The following TSHZ2 variants were observed in gnomAD, a reference collection of about 807,000 sequenced individuals.
The protein encoded by TSHZ2 is teashirt homolog 2.
A neutral mutation model predicts 74.4 loss-of-function variants in TSHZ2; 21 were observed. The ratio of observed to expected loss-of-function variants is 0.28; its 90% confidence interval spans 0.20 to 0.41. TSHZ2 has a LOEUF of 0.41. Ranked by LOEUF, TSHZ2 falls within the 10% of genes least tolerant of loss-of-function variation. The probability of loss-of-function intolerance (pLI) is 1.00; values close to 1 mark genes in which losing one functional copy is unlikely to be tolerated. For synonymous variants in TSHZ2, 540 were observed against 515.3 expected, an observed-to-expected ratio of 1.05 and a Z score of -0.65; for missense variants, 1,244 against 1,293.5, an observed-to-expected ratio of 0.96 and a Z score of 0.59.
chr20:53,100,915 T>G (rs1314425626), intron 1 of TSHZ2, among the ~76,000 whole-genome samples: 1 of 152,152 alleles, frequency 6.6e-6, no homozygotes, highest in Non-Finnish European at 1.5e-5. Context: ...CATGGCTGTT[T>G]CCCAGTTTTT....
At position 53,188,084 on chromosome 20, in the gene TSHZ2, T is replaced by C. The variant is rs146852868; in HGVS notation, c.41-65415T>C. On this transcript the variant is annotated intron_variant, in intron 1 of 2. Coordinates refer to ENST00000371497, the MANE Select transcript of TSHZ2 (RefSeq NM_173485.6). ...ACTTAATTCATCAGAACAGGCAGTT[T>C]GTCAGGACAAATAGCAGTAGTTTTG... is the stretch of plus-strand genomic sequence containing the variant. Among the ~76,000 whole-genome samples the C allele has an allele frequency of 3.2e-4, 49 of 152,332 alleles. No individual in the cohort carries two copies. In the East Asian group the frequency reaches 8.9e-3, roughly 28 times the overall value.
intron 1 of TSHZ2, among the ~76,000 whole-genome samples, chr20:53,163,599 G>C (rs1987998542): frequency 6.6e-6 from 1 of 151,990 alleles, no homozygotes; most frequent in Non-Finnish European, 1.5e-5. Flanking sequence ...GCTGTCTCTT[G>C]AATCACTCAC....
chr20:53,226,179 T>C (rs1386781409), intron 1 of TSHZ2, among the ~76,000 whole-genome samples: 1 of 149,758 alleles, frequency 6.7e-6, no homozygotes, highest in Non-Finnish European at 1.5e-5. Flanking sequence ...AACACAATGC[T>C]AACTCAGCTA....
At chr20:53,419,451 G>C (rs926890477) in intron 2 of TSHZ2, among the ~76,000 whole-genome samples, 4 of 152,174 alleles carry the variant, frequency 2.6e-5, no homozygotes, top group South Asian at 2.1e-4. Context: ...GTTAGACACT[G>C]TGCTAAACTC....
At chr20:53,322,087 G>C (rs1979291440) in intron 2 of TSHZ2, among the ~76,000 whole-genome samples, 1 of 152,114 alleles carries the variant, frequency 6.6e-6, no homozygotes, top group Non-Finnish European at 1.5e-5. Context: ...GGTGACCTTG[G>C]GCAGAAAGGA....
intron 1 of TSHZ2, among the ~76,000 whole-genome samples, chr20:53,057,356 C>T (rs1230775213): frequency 2.6e-5 from 4 of 152,104 alleles, no homozygotes; most frequent in Non-Finnish European, 1.5e-5. Context: ...AGTACCAGGC[C>T]CCTGGCATTG....
intron 2 of TSHZ2, among the ~76,000 whole-genome samples, chr20:53,311,677 T>C (rs1978794165): frequency 6.6e-6 from 1 of 152,232 alleles, no homozygotes; most frequent in Admixed American, 6.5e-5. Context: ...TTGTCCAAGA[T>C]GGCATTTTCC....
intron 2 of TSHZ2, among the ~76,000 whole-genome samples, chr20:53,302,945 C>A (rs1978370356): frequency 6.6e-6 from 1 of 152,210 alleles, no homozygotes; most frequent in Admixed American, 6.5e-5. Flanking sequence ...AAAGTCATAG[C>A]TAATTTCCAC....
chr20:52,987,327 G>C (rs1216759732), intron 1 of TSHZ2, among the ~76,000 whole-genome samples: 1 of 152,158 alleles, frequency 6.6e-6, no homozygotes, highest in Non-Finnish European at 1.5e-5. Context: ...TGATTCCATA[G>C]GAGGGGAATG....
rs116635718 is a variant in TSHZ2, at chr20:53,363,125, C to T, written c.*8+106554C>T. Among the ~76,000 whole-genome samples the T allele has an allele frequency of 2.6e-3, 390 of 152,362 alleles. 3 individuals carry two copies. Among genetic ancestry groups the T allele is most frequent in the African/African-American group, 8.8e-3 (367 of 41,592 alleles). On this transcript the variant is annotated intron_variant, in intron 2 of 2. Transcript: ENST00000371497. ...GGGTATACCCGAGGCATGTGCTGCA[C>T]GTCTCCCGGAGGTCCCCAGTGGGAA... is the stretch of plus-strand genomic sequence containing the variant.
At chr20:53,157,173 C>A (rs1987814488) in intron 1 of TSHZ2, among the ~76,000 whole-genome samples, 1 of 152,158 alleles carries the variant, frequency 6.6e-6, no homozygotes. Flanking sequence ...AGCAAAGAAG[C>A]TAATTTCTCA....
At chr20:53,355,076 T>C (rs1314769210) in intron 2 of TSHZ2, among the ~76,000 whole-genome samples, 2 of 152,232 alleles carry the variant, frequency 1.3e-5, no homozygotes, top group African/African-American at 4.8e-5. Context: ...ATTTATTGCC[T>C]AGAGTATACC....
intron 1 of TSHZ2, among the ~76,000 whole-genome samples, chr20:53,086,469 C>T (rs538095823): frequency 3.3e-5 from 5 of 151,912 alleles, no homozygotes; most frequent in Non-Finnish European, 7.4e-5. Flanking sequence ...GCTTGAGGAG[C>T]AAGTAGTTCT....
intron 1 of TSHZ2, among the ~76,000 whole-genome samples, chr20:52,987,698 C>T (rs1245758746): frequency 6.6e-6 from 1 of 152,118 alleles, no homozygotes; most frequent in Non-Finnish European, 1.5e-5. Context: ...TGCATTTACA[C>T]ATTTGTCTAC....
intron 2 of TSHZ2, among the ~76,000 whole-genome samples, chr20:53,444,715 CA>C (rs1217451975): frequency 1.3e-5 from 2 of 152,220 alleles, no homozygotes; most frequent in African/African-American, 4.8e-5. Flanking sequence ...AAAGTGTCCA[CA>C]AGCCCTGTAA....
intron 2 of TSHZ2, among the ~76,000 whole-genome samples, chr20:53,307,624 T>C (rs1445862982): frequency 6.6e-6 from 1 of 152,220 alleles, no homozygotes; most frequent in African/African-American, 2.4e-5. Context: ...GGGCTTTTTT[T>C]CTAACTTTTT....
At chr20:53,020,542 T>C (rs1983205294) in intron 1 of TSHZ2, among the ~76,000 whole-genome samples, 1 of 152,226 alleles carries the variant, frequency 6.6e-6, no homozygotes, top group South Asian at 2.1e-4. Flanking sequence ...TGGCTATTTT[T>C]GGCCCCATAA....
chr20:53,292,511 A>G (rs1991298811), intron 2 of TSHZ2, among the ~76,000 whole-genome samples: 1 of 149,840 alleles, frequency 6.7e-6, no homozygotes, highest in Admixed American at 6.7e-5. Context: ...GCAGTGGTGC[A>G]ATCATAGCTC....
At chr20:53,329,067 T>C (rs1331567308) in intron 2 of TSHZ2, among the ~76,000 whole-genome samples, 3 of 152,234 alleles carry the variant, frequency 2.0e-5, no homozygotes, top group Non-Finnish European at 4.4e-5. Context: ...CTACCATAAA[T>C]TCAAGGTCTG....
Sources: gnomAD v4.1 joint callset for allele counts (sites outside exome capture counted in the v4.1 genomes callset) on GRCh38, gnomAD v4.1.1 for gene constraint, MANE v1.5 for transcripts, NCBI Gene and HGNC (gene_info 2026-07-23, HGNC 2026-07-21) for gene names.